The following TECR variants were observed in gnomAD, a reference collection of about 807,000 sequenced individuals.
The protein encoded by TECR is very-long-chain enoyl-CoA reductase.
A neutral mutation model predicts 50.6 loss-of-function variants in TECR; 19 were observed. That is an observed-to-expected ratio of 0.38 (90% confidence interval 0.26 to 0.55). The LOEUF (loss-of-function observed/expected upper bound fraction) is 0.55. TECR is among the 20% of genes least tolerant of loss of function. TECR has a pLI of 0.79. For synonymous variants in TECR, 168 were observed against 163.5 expected, an observed-to-expected ratio of 1.03 and a Z score of -0.21; for missense variants, 313 against 408.3, an observed-to-expected ratio of 0.77 and a Z score of 2.01.
intron 1 of TECR, among the ~76,000 whole-genome samples, chr19:14,555,472 G>A (rs1278149894): frequency 2.8e-4 from 34 of 120,674 alleles, no homozygotes; most frequent in Admixed American, 2.6e-3. Flanking sequence ...TTTAGACAGA[G>A]CCTCACTCTA....
chr19:14,561,545 A>G (rs751940163), intron 1 of TECR, among the ~76,000 whole-genome samples: 4 of 152,246 alleles, frequency 2.6e-5, no homozygotes, highest in Admixed American at 2.0e-4. Flanking sequence ...GGACGCAGGA[A>G]GCGCCGGGCT....
intron 1 of TECR, 116 bp from the exon 2 acceptor site, chr19:14,562,409 T>G: frequency 9.0e-7 from 1 of 1,114,028 alleles, no homozygotes; most frequent in Non-Finnish European, 1.4e-6. Flanking sequence ...GACTTGAACT[T>G]GAGCTTGTTG....
At chr19:14,537,820 C>G (rs1836607087) in intron 1 of TECR, among the ~76,000 whole-genome samples, 1 of 149,384 alleles carries the variant, frequency 6.7e-6, no homozygotes, top group Admixed American at 6.7e-5. Context: ...GATCTCGGCT[C>G]GCTGCACCTC....
intron 1 of TECR, among the ~76,000 whole-genome samples, chr19:14,553,807 G>A (rs183513591): frequency 2.6e-5 from 4 of 152,262 alleles, no homozygotes; most frequent in Non-Finnish European, 4.4e-5. Context: ...GAGCTCAGGC[G>A]ATGAGTGCAG....
At chr19:14,558,867 C>T (rs539552121) in intron 1 of TECR, among the ~76,000 whole-genome samples, 10 of 152,322 alleles carry the variant, frequency 6.6e-5, no homozygotes, top group South Asian at 2.1e-4. Context: ...GCCACCTCCC[C>T]GTCTGTGCTC....
At chr19:14,560,370 G>A (rs1358527401) in intron 1 of TECR, among the ~76,000 whole-genome samples, 3 of 152,188 alleles carry the variant, frequency 2.0e-5, no homozygotes, top group Non-Finnish European at 4.4e-5. Flanking sequence ...AGGCCACACG[G>A]GCTTGGAAGC....
At position 14,565,358 on chromosome 19, in the gene TECR, G is replaced by A. The variant is rs1324280868; in HGVS notation, c.753+68G>A. ...CCCATGTGGAGGGACCAGCCCCTAG[G>A]ATGGGGCGCCTGGCTGGGCAGCTGC... On this transcript the variant is annotated intron_variant, in intron 11 of 12. Coordinates refer to ENST00000215567, the MANE Select transcript of TECR (RefSeq NM_138501.6). The A allele has an allele frequency of 2.6e-5, 41 of 1,586,808 alleles. No homozygotes were observed. The East Asian group carries it at 9.0e-4, about 35-fold the overall frequency.
intron 1 of TECR, 109 bp downstream of exon 1, chr19:14,529,820 C>A: frequency 6.6e-7 from 1 of 1,517,884 alleles, no homozygotes; most frequent in Non-Finnish European, 9.1e-7. Flanking sequence ...AAGGAAGAGC[C>A]AGACGGCGCA....
chr19:14,534,235 C>G (rs1275315417), intron 1 of TECR, among the ~76,000 whole-genome samples: 2 of 151,674 alleles, frequency 1.3e-5, no homozygotes, highest in Non-Finnish European at 2.9e-5. Context: ...CGCCATTCTC[C>G]TGCCTCAGCC....
intron 1 of TECR, 98 bp downstream of exon 1, chr19:14,529,809 G>T: frequency 6.4e-7 from 1 of 1,570,644 alleles, no homozygotes; most frequent in Non-Finnish European, 8.7e-7. Context: ...CCTGTGCCCC[G>T]AAGGAAGAGC....
chr19:14,550,709 C>G (rs2073469327), intron 1 of TECR, among the ~76,000 whole-genome samples: 1 of 152,128 alleles, frequency 6.6e-6, no homozygotes, highest in Non-Finnish European at 1.5e-5. Flanking sequence ...TAGATGGAGT[C>G]TTGCTCTGTT....
chr19:14,529,793 T>C (rs2072547773), intron 1 of TECR, 82 bp downstream of exon 1: 2 of 1,596,096 alleles, frequency 1.3e-6, no homozygotes, highest in Admixed American at 1.7e-5. Flanking sequence ...GACCCCACTT[T>C]CTGGTCCTGT....
chr19:14,548,758 G>C (rs985435005), intron 1 of TECR, among the ~76,000 whole-genome samples: 11 of 151,944 alleles, frequency 7.2e-5, no homozygotes, highest in African/African-American at 2.4e-4. Flanking sequence ...TTGTATTTTG[G>C]TAGAGACGGG....
intron 1 of TECR, among the ~76,000 whole-genome samples, chr19:14,543,579 C>T (rs995367189): frequency 1.0e-4 from 15 of 147,352 alleles, no homozygotes; most frequent in African/African-American, 3.7e-4. Flanking sequence ...GCTGGGACTA[C>T]AGGCGCCCGC....
intron 7 of TECR, among the ~76,000 whole-genome samples, chr19:14,564,515 C>T (rs1384729826): frequency 9.9e-6 from 1 of 101,486 alleles, no homozygotes; most frequent in Non-Finnish European, 2.2e-5. Context: ...CCTATCCACC[C>T]TAGTCCCACC....
chr19:14,533,307 G>GT (rs1189912387), intron 1 of TECR, among the ~76,000 whole-genome samples: 1 of 151,124 alleles, frequency 6.6e-6, no homozygotes, highest in African/African-American at 2.4e-5. Flanking sequence ...GAAATCCCAG[G>GT]TACTTGGGAG....
At chr19:14,539,366 CAG>C (rs1279714465) in intron 1 of TECR, among the ~76,000 whole-genome samples, 2 of 152,016 alleles carry the variant, frequency 1.3e-5, no homozygotes, top group Non-Finnish European at 2.9e-5. Flanking sequence ...ACACCACACT[CAG>C]AGCCCACTTT....
chr19:14,533,749 G>A (rs1236957718), intron 1 of TECR, among the ~76,000 whole-genome samples: 1 of 152,142 alleles, frequency 6.6e-6, no homozygotes, highest in African/African-American at 2.4e-5. Flanking sequence ...GCCTAATTGA[G>A]GTGAAGCCTC....
intron 1 of TECR, among the ~76,000 whole-genome samples, chr19:14,547,770 T>A (rs2073354509): frequency 6.6e-6 from 1 of 151,766 alleles, no homozygotes; most frequent in Non-Finnish European, 1.5e-5. Context: ...GTGATACTCT[T>A]GCCTTAGCTT....
Sources: allele counts gnomAD v4.1 joint callset (sites outside exome capture counted in the v4.1 genomes callset), GRCh38; gene constraint gnomAD v4.1.1; transcripts MANE v1.5; gene names NCBI Gene and HGNC (gene_info 2026-07-23, HGNC 2026-07-21).